Variants in CTNNBL1 observed in about 807,000 individuals in gnomAD.
CTNNBL1 encodes beta-catenin-like protein 1.
Under a neutral mutation model 72.7 loss-of-function variants are expected in CTNNBL1, and 31 were observed. The observed-to-expected ratio is 0.43, with a 90% confidence interval of 0.32 to 0.58. The LOEUF (loss-of-function observed/expected upper bound fraction) is 0.58, where lower values mean the gene tolerates loss of function less well. CTNNBL1 is among the 20% of genes least tolerant of loss of function. The pLI, the probability that CTNNBL1 is intolerant of heterozygous loss-of-function variation, is 0.08. For missense variants in CTNNBL1, 534 were observed against 725.1 expected (o/e 0.74, Z 3.03); for synonymous variants, 240 against 267.3 (o/e 0.90, Z 1.00).
At chr20:37,698,164 G>A (rs1311528701) in intron 1 of CTNNBL1, among the ~76,000 whole-genome samples, 1 of 152,158 alleles carries the variant, frequency 6.6e-6, no homozygotes, top group Admixed American at 6.5e-5. Flanking sequence ...GCACAATAAG[G>A]AACTACAATA....
chr20:37,843,607 C>CTT (rs1246836582), intron 13 of CTNNBL1, among the ~76,000 whole-genome samples: 1 of 152,186 alleles, frequency 6.6e-6, no homozygotes, highest in East Asian at 1.9e-4. Flanking sequence ...TCTAGAAGAC[C>CTT]AGTCAGTCAC....
chr20:37,727,768 T>C (rs1471008436), intron 1 of CTNNBL1, among the ~76,000 whole-genome samples: 2 of 152,244 alleles, frequency 1.3e-5, no homozygotes, highest in East Asian at 3.8e-4. Context: ...GCCTGAGCTG[T>C]TGACCTCTGT....
chr20:37,712,132 G>T (rs570375165), intron 1 of CTNNBL1, among the ~76,000 whole-genome samples: 1 of 152,152 alleles, frequency 6.6e-6, no homozygotes, highest in South Asian at 2.1e-4. Flanking sequence ...TTGCTTTCCC[G>T]CCTAGGTTGT....
chr20:37,788,603 C>T (rs1008888069), intron 10 of CTNNBL1, among the ~76,000 whole-genome samples: 4 of 152,250 alleles, frequency 2.6e-5, no homozygotes, highest in Non-Finnish European at 2.9e-5. Flanking sequence ...GTCCTGGGCT[C>T]CTGCCCTGTT....
At chr20:37,759,927 A>G (rs1396782474) in intron 5 of CTNNBL1, among the ~76,000 whole-genome samples, 2 of 152,244 alleles carry the variant, frequency 1.3e-5, no homozygotes, top group African/African-American at 4.8e-5. Flanking sequence ...TTGCACGAGC[A>G]GAGGCTAGAG....
chr20:37,724,775 T>G (rs923717340), intron 1 of CTNNBL1, among the ~76,000 whole-genome samples: 1 of 152,146 alleles, frequency 6.6e-6, no homozygotes, highest in African/African-American at 2.4e-5. Context: ...TATTTGTCAA[T>G]GTGGACATTA....
At chr20:37,739,626 C>T (rs1323567541) in intron 3 of CTNNBL1, among the ~76,000 whole-genome samples, 1 of 152,202 alleles carries the variant, frequency 6.6e-6, no homozygotes. Flanking sequence ...ATTCTCCCCC[C>T]AGCAGCAGCA....
At chr20:37,834,749 C>G (rs1041008212) in intron 11 of CTNNBL1, among the ~76,000 whole-genome samples, 1 of 152,148 alleles carries the variant, frequency 6.6e-6, no homozygotes, top group African/African-American at 2.4e-5. Context: ...GTTAATCTCA[C>G]CGAGCCATGG....
At chr20:37,771,245 T>A (rs1042159252) in intron 7 of CTNNBL1, among the ~76,000 whole-genome samples, 1 of 152,238 alleles carries the variant, frequency 6.6e-6, no homozygotes, top group Admixed American at 6.5e-5. Flanking sequence ...CAAATACAGA[T>A]TCCCACACTG....
chr20:37,713,027 C>G (rs2072952325), intron 1 of CTNNBL1, among the ~76,000 whole-genome samples: 1 of 152,338 alleles, frequency 6.6e-6, no homozygotes, highest in South Asian at 2.1e-4. Flanking sequence ...TGTAAAGTCA[C>G]TGAATATTGT....
At position 37,767,979 on chromosome 20, in the gene CTNNBL1, C is replaced by A. The variant is rs370578340; in HGVS notation, c.685C>A (p.Arg229=). Residue 229 remains arginine (R), a synonymous_variant, in exon 7 of 16, where the codon CGG becomes AGG. Transcript: ENST00000361383. ...TATTGTGGAAAACATGGCTGAGTTC[C>A]GGCCTGAGATGTGTACAGAGGGTGC... The part of the protein sequence containing the change: ...LAIVENMAEF[R]PEMCTEGAQQ... 1 of 1,613,862 alleles carries A rather than the reference C, an allele frequency of 6.2e-7. No homozygotes were observed. Among genetic ancestry groups the A allele is most frequent in the Non-Finnish European group, 8.5e-7 (1 of 1,179,936 alleles).
chr20:37,805,643 C>A (rs1373572037), intron 11 of CTNNBL1, among the ~76,000 whole-genome samples: 1 of 151,998 alleles, frequency 6.6e-6, no homozygotes, highest in Non-Finnish European at 1.5e-5. Context: ...GTGATCCGCC[C>A]ACCTTGGCCT....
intron 1 of CTNNBL1, among the ~76,000 whole-genome samples, chr20:37,699,603 C>A (rs562503596): frequency 7.2e-5 from 11 of 152,176 alleles, no homozygotes; most frequent in Non-Finnish European, 1.6e-4. Context: ...ATCTTATGAG[C>A]CTTTGGTTAT....
chr20:37,862,250 T>C (rs2072497416), intron 15 of CTNNBL1, among the ~76,000 whole-genome samples: 1 of 152,104 alleles, frequency 6.6e-6, no homozygotes. Context: ...GCTGTGGTGA[T>C]TTGCAACTCC....
At chr20:37,776,573 C>T (rs1215866697) in intron 7 of CTNNBL1, among the ~76,000 whole-genome samples, 1 of 152,136 alleles carries the variant, frequency 6.6e-6, no homozygotes, top group Non-Finnish European at 1.5e-5. Context: ...GAGACTCGCT[C>T]CTCTCTATGC....
chr20:37,854,895 C>T (rs1408273957), intron 13 of CTNNBL1, among the ~76,000 whole-genome samples: 1 of 151,968 alleles, frequency 6.6e-6, no homozygotes, highest in African/African-American at 2.4e-5. Flanking sequence ...GGCCCCGCTT[C>T]TCAATATTTC....
intron 10 of CTNNBL1, among the ~76,000 whole-genome samples, chr20:37,780,972 G>A (rs1185739227): frequency 1.3e-5 from 2 of 152,090 alleles, no homozygotes; most frequent in African/African-American, 4.8e-5. Context: ...GGGGCTGGAG[G>A]CACAGTAGAC....
chr20:37,866,943 G>A (rs1007236587), intron 15 of CTNNBL1, among the ~76,000 whole-genome samples: 2 of 152,256 alleles, frequency 1.3e-5, no homozygotes, highest in Non-Finnish European at 2.9e-5. Flanking sequence ...GCCTTGTGGG[G>A]GTGGGTGGTT....
intron 3 of CTNNBL1, among the ~76,000 whole-genome samples, chr20:37,740,220 T>C (rs2073203764): frequency 6.6e-6 from 1 of 152,172 alleles, no homozygotes; most frequent in Non-Finnish European, 1.5e-5. Flanking sequence ...CGAAAAGCAG[T>C]TAGGAAACTA....
Sources: gnomAD v4.1 joint callset for allele counts (sites outside exome capture counted in the v4.1 genomes callset) on GRCh38, gnomAD v4.1.1 for gene constraint, MANE v1.5 for transcripts, NCBI Gene and HGNC (gene_info 2026-07-23, HGNC 2026-07-21) for gene names.